PTPRD: variants seen among roughly 807,000 people sequenced by gnomAD.
PTPRD encodes the protein receptor-type tyrosine-protein phosphatase delta.
PTPRD carries 34 observed loss-of-function variants against 214.5 expected under a neutral mutation model. The observed-to-expected ratio is 0.16, with a 90% CI of 0.12 to 0.21. The LOEUF is 0.21. Ranked by LOEUF, PTPRD falls within the 10% of genes least tolerant of loss-of-function variation. PTPRD has a pLI of 1.00. For missense variants in PTPRD, 2,545 were observed against 2,398.7 expected, an observed-to-expected ratio of 1.06 and a Z score of -1.27; for synonymous variants, 1,128 against 845.7, an observed-to-expected ratio of 1.33 and a Z score of -5.79.
chr9:9,937,943 G>T (rs1234034269), intron 5 of PTPRD, among the ~76,000 whole-genome samples: 1 of 152,182 alleles, frequency 6.6e-6, no homozygotes, highest in African/African-American at 2.4e-5. Context: ...TACAGACTCA[G>T]AGTGGATCAT....
At chr9:9,000,476 T>A (rs7874540) in intron 11 of PTPRD, among the ~76,000 whole-genome samples, 66,774 of 151,696 alleles carry the variant, frequency 0.44, 15,758 homozygotes, top group Middle Eastern at 0.53. Flanking sequence ...GTGCTTGTTA[T>A]AACTTCACTT....
At chr9:9,916,398 C>G (rs1010371663) in intron 5 of PTPRD, among the ~76,000 whole-genome samples, 10 of 151,770 alleles carry the variant, frequency 6.6e-5, no homozygotes, top group Admixed American at 6.6e-5. Flanking sequence ...GTATATAAAA[C>G]AACAAGAAAT....
intron 8 of PTPRD, among the ~76,000 whole-genome samples, chr9:9,557,182 G>A (rs1471432269): frequency 6.6e-6 from 1 of 152,106 alleles, no homozygotes; most frequent in Non-Finnish European, 1.5e-5. Context: ...TCTCAGCCAA[G>A]GCATTCCAAA....
chr9:9,410,490 T>A (rs924492291), intron 8 of PTPRD, among the ~76,000 whole-genome samples: 4 of 152,096 alleles, frequency 2.6e-5, no homozygotes, highest in Non-Finnish European at 5.9e-5. Context: ...ACACAAGCAT[T>A]CCCCATTGGG....
Position 9,003,320 on chromosome 9 carries a change from G to A in PTPRD, c.-104+15377C>T, listed in dbSNP as rs114847454. Among the ~76,000 whole-genome samples, 380 of 152,006 alleles carry A rather than the reference G, an allele frequency of 2.5e-3. 1 individual carries two copies. Among genetic ancestry groups the A allele is most frequent in the African/African-American group, 8.8e-3 (365 of 41,480 alleles). On this transcript the variant is annotated intron_variant, in intron 11 of 45. Transcript: ENST00000381196. ...GAACAGCTGAATCTAAATCCCTAAC[G>A]CTCTGAATACTCTAGGCAGTCTGGC...
At chr9:8,469,726 T>A (rs1251289289) in intron 31 of PTPRD, among the ~76,000 whole-genome samples, 1 of 152,056 alleles carries the variant, frequency 6.6e-6, no homozygotes, top group Admixed American at 6.6e-5. Flanking sequence ...TGAAATAATG[T>A]CTCATTTTAC....
intron 8 of PTPRD, among the ~76,000 whole-genome samples, chr9:9,453,992 T>A (rs2092632378): frequency 6.6e-6 from 1 of 151,822 alleles, no homozygotes; most frequent in Admixed American, 6.6e-5. Flanking sequence ...TTCCATGTCA[T>A]CCTCTTTTCT....
chr9:9,587,648 G>C (rs1044697436), intron 7 of PTPRD, among the ~76,000 whole-genome samples: 1 of 151,898 alleles, frequency 6.6e-6, no homozygotes, highest in African/African-American at 2.4e-5. Context: ...CTGGGGAATG[G>C]GATCCAAAAT....
intron 11 of PTPRD, among the ~76,000 whole-genome samples, chr9:8,994,677 G>GT (rs1210275031): frequency 6.6e-6 from 1 of 151,858 alleles, no homozygotes; most frequent in Admixed American, 6.6e-5. Context: ...GGTGTTGTTT[G>GT]TTTTTGTAAT....
At chr9:8,439,782 G>C (rs2095481004) in intron 34 of PTPRD, among the ~76,000 whole-genome samples, 1 of 151,964 alleles carries the variant, frequency 6.6e-6, no homozygotes, top group South Asian at 2.1e-4. Flanking sequence ...GTTAGATTTT[G>C]AATGAAAAGG....
chr9:9,014,125 T>C (rs895376077), intron 11 of PTPRD, among the ~76,000 whole-genome samples: 2 of 152,070 alleles, frequency 1.3e-5, no homozygotes. Flanking sequence ...TAGTATCTGT[T>C]TTTGGAATTA....
intron 4 of PTPRD, among the ~76,000 whole-genome samples, chr9:10,027,652 T>G (rs1222668233): frequency 3.3e-5 from 5 of 152,164 alleles, no homozygotes; most frequent in Non-Finnish European, 7.3e-5. Context: ...ATTGAAAAAT[T>G]TTGAGCATTG....
intron 5 of PTPRD, among the ~76,000 whole-genome samples, chr9:9,910,873 T>G (rs2078990366): frequency 6.6e-6 from 1 of 152,054 alleles, no homozygotes; most frequent in Non-Finnish European, 1.5e-5. Context: ...CTAAAGTGAT[T>G]TCAATCTTTG....
chr9:10,089,193 G>A (rs1234401198), intron 3 of PTPRD, among the ~76,000 whole-genome samples: 1 of 109,410 alleles, frequency 9.1e-6, no homozygotes, highest in Non-Finnish European at 1.9e-5. Context: ...GTGACAGAAT[G>A]AGAATCAGTC....
chr9:10,261,012 ATATG>A (rs1164237999), intron 3 of PTPRD, among the ~76,000 whole-genome samples: 1 of 147,470 alleles, frequency 6.8e-6, no homozygotes, highest in Non-Finnish European at 1.5e-5. Flanking sequence ...ATATATGTAT[ATATG>A]TGTGTATATA....
At chr9:9,863,901 T>C (rs1164135628) in intron 5 of PTPRD, among the ~76,000 whole-genome samples, 1 of 152,064 alleles carries the variant, frequency 6.6e-6, no homozygotes, top group East Asian at 1.9e-4. Context: ...ACCTGATCCC[T>C]GTCCAGTCTC....
chr9:10,533,008 G>C (rs1209128563), intron 2 of PTPRD, among the ~76,000 whole-genome samples: 1 of 152,074 alleles, frequency 6.6e-6, no homozygotes, highest in Non-Finnish European at 1.5e-5. Flanking sequence ...GCTCCTTCAT[G>C]AATAGATTAA....
chr9:10,179,109 A>C (rs1201950102), intron 3 of PTPRD, among the ~76,000 whole-genome samples: 1 of 152,008 alleles, frequency 6.6e-6, no homozygotes, highest in Non-Finnish European at 1.5e-5. Context: ...ATAATTTTCA[A>C]AAAGCAAAAG....
At chr9:9,387,511 T>C (rs1478957502) in intron 9 of PTPRD, among the ~76,000 whole-genome samples, 1 of 152,138 alleles carries the variant, frequency 6.6e-6, no homozygotes, top group Non-Finnish European at 1.5e-5. Flanking sequence ...TTTTGAAGGG[T>C]GGTTTCACTG....
Sources: gnomAD v4.1 joint callset for allele counts (sites outside exome capture counted in the v4.1 genomes callset) on GRCh38, gnomAD v4.1.1 for gene constraint, MANE v1.5 for transcripts, NCBI Gene and HGNC (gene_info 2026-07-23, HGNC 2026-07-21) for gene names.